KIFAP3: variants seen among roughly 807,000 people sequenced by gnomAD.
KIFAP3 encodes the protein kinesin-associated protein 3.
KIFAP3 carries 68 observed loss-of-function variants against 106.5 expected under a neutral mutation model. That is an observed-to-expected ratio of 0.64 (90% CI 0.53 to 0.78). KIFAP3 has a LOEUF of 0.78. KIFAP3 is among the 30% of genes least tolerant of loss of function. The pLI, the probability that KIFAP3 is intolerant of heterozygous loss-of-function variation, is 0.00. For missense variants in KIFAP3, 780 were observed against 941.8 expected (o/e 0.83, Z 2.25); for synonymous variants, 320 against 311.5 (o/e 1.03, Z -0.29).
At chr1:169,930,715 A>C in intron 19 of KIFAP3, among the ~76,000 whole-genome samples, 1 of 152,158 alleles carries the variant, frequency 6.6e-6, no homozygotes, top group Non-Finnish European at 1.5e-5. Flanking sequence ...CCTTTACCAA[A>C]TAACTCGTAC....
chr1:170,025,804 CA>C lies in KIFAP3; in HGVS notation c.842-1209del, dbSNP rs1397366842. On this transcript the variant is annotated intron_variant, in intron 8 of 19. Transcript: ENST00000361580. Reference sequence around the variant, plus strand: ...GCTGACTTTCTATGCAAGGCACTGTCAAAAGGTTTTAGAATTACATTGAAAA... The same window carrying C: ...GCTGACTTTCTATGCAAGGCACTGTCAAAGGTTTTAGAATTACATTGAAAA... Among the ~76,000 whole-genome samples the C allele has an allele frequency of 3.9e-5, 6 of 152,258 alleles. No homozygotes were observed. In the East Asian group the frequency reaches 1.2e-3, roughly 29 times the overall value.
intron 19 of KIFAP3, among the ~76,000 whole-genome samples, chr1:169,950,703 T>C (rs956330258): frequency 1.4e-4 from 22 of 152,048 alleles, no homozygotes; most frequent in African/African-American, 5.1e-4. Context: ...TTTAATTAAC[T>C]TGCATTTCTT....
chr1:170,059,582 G>C (rs1458719811), intron 1 of KIFAP3, among the ~76,000 whole-genome samples: 1 of 152,114 alleles, frequency 6.6e-6, no homozygotes, highest in Non-Finnish European at 1.5e-5. Flanking sequence ...AATTCTACCA[G>C]AGGTACAAGG....
At chr1:169,957,076 ATATCT>A (rs1665054236) in intron 18 of KIFAP3, among the ~76,000 whole-genome samples, 1 of 152,200 alleles carries the variant, frequency 6.6e-6, no homozygotes, top group South Asian at 2.1e-4. Context: ...TTCTTTGGAA[ATATCT>A]TATTTTTTCT....
rs897008275 is a variant in KIFAP3, at chr1:170,004,310, G to C, written c.1184-12055C>G. Among the ~76,000 whole-genome samples the C allele has an allele frequency of 4.1e-3, 622 of 152,064 alleles. 4 individuals are homozygous for C. The highest frequency in any genetic ancestry group is 9.9e-3 in the African/African-American group (410 of 41,482). On this transcript the variant is annotated intron_variant, in intron 10 of 19. Coordinates refer to ENST00000361580, the MANE Select transcript of KIFAP3 (RefSeq NM_014970.4). ...GGTAATTTATAGATTCAATGCCATC[G>C]CCATCAAGCTACCAATGACTTTCTT...
chr1:169,953,512 C>A (rs1411901433), intron 19 of KIFAP3, among the ~76,000 whole-genome samples: 1 of 152,050 alleles, frequency 6.6e-6, no homozygotes. Context: ...TGTTTTAGAT[C>A]TGTGATCCCC....
At chr1:169,923,661 T>C (rs1009112393) in intron 19 of KIFAP3, among the ~76,000 whole-genome samples, 1 of 152,156 alleles carries the variant, frequency 6.6e-6, no homozygotes, top group Non-Finnish European at 1.5e-5. Context: ...ATTTCAGTAA[T>C]ATGAAAACAA....
At chr1:169,971,644 T>A (rs1422096247) in intron 17 of KIFAP3, among the ~76,000 whole-genome samples, 1 of 151,984 alleles carries the variant, frequency 6.6e-6, no homozygotes, top group Non-Finnish European at 1.5e-5. Context: ...CCTGATTACA[T>A]CACTAGCAGA....
chr1:170,026,899 C>T (rs1669138084), intron 8 of KIFAP3, among the ~76,000 whole-genome samples: 1 of 152,030 alleles, frequency 6.6e-6, no homozygotes, highest in South Asian at 2.1e-4. Flanking sequence ...AGATTAAGAT[C>T]CAAAAGGATC....
intron 19 of KIFAP3, among the ~76,000 whole-genome samples, chr1:169,934,689 T>C (rs1285266266): frequency 1.3e-5 from 2 of 152,138 alleles, no homozygotes; most frequent in Non-Finnish European, 2.9e-5. Context: ...TGGGCAACTA[T>C]GAGAATTCTT....
chr1:170,023,054 C>A (rs1320202303), intron 9 of KIFAP3, among the ~76,000 whole-genome samples: 2 of 152,158 alleles, frequency 1.3e-5, no homozygotes, highest in African/African-American at 4.8e-5. Flanking sequence ...CATACTCTAA[C>A]TACTCAGGAC....
In KIFAP3 at chr1:169,968,959, A is replaced by G. The variant is rs912319336; in HGVS notation, c.1983+3554T>C. 2.0e-5 allele frequency among the ~76,000 whole-genome samples: 3 copies of G among 151,976 alleles called. No individual in the cohort carries two copies. The Admixed American group carries it at 2.0e-4, about 10-fold the overall frequency. On this transcript the variant is annotated intron_variant, in intron 17 of 19. Coordinates refer to ENST00000361580, the MANE Select transcript of KIFAP3 (RefSeq NM_014970.4). The stretch of plus-strand genomic sequence containing the variant: ...AAATGTCCGCCTTTTGGTTTACGCA[A>G]TATAAAGATGAACTATAAAAGAGGG...
intron 10 of KIFAP3, among the ~76,000 whole-genome samples, chr1:170,014,396 T>C (rs1668403291): frequency 6.6e-6 from 1 of 152,236 alleles, no homozygotes. Flanking sequence ...TTGTTCCTCC[T>C]ACTGGCCTAG....
At chr1:170,044,740 C>T (rs1304992331) in intron 3 of KIFAP3, among the ~76,000 whole-genome samples, 1 of 152,142 alleles carries the variant, frequency 6.6e-6, no homozygotes, top group East Asian at 1.9e-4. Context: ...GACTCTGAAA[C>T]TGTGTGAGAA....
chr1:170,057,683 A>C (rs991189624), intron 1 of KIFAP3, among the ~76,000 whole-genome samples: 5 of 151,952 alleles, frequency 3.3e-5, no homozygotes, highest in African/African-American at 1.2e-4. Context: ...TTTCAAGCTG[A>C]GTAGCATTCA....
chr1:170,019,235 T>A (rs941687895), intron 9 of KIFAP3, among the ~76,000 whole-genome samples: 37 of 152,116 alleles, frequency 2.4e-4, no homozygotes, highest in Admixed American at 2.0e-4. Context: ...TTTTTACTGG[T>A]GAATTCTATT....
chr1:170,041,693 T>C (rs891980687), intron 3 of KIFAP3: 16 of 1,535,044 alleles, frequency 1.0e-5, no homozygotes, highest in East Asian at 2.4e-5. Flanking sequence ...ATAAGCTTGC[T>C]TGGAGTACAG....
At chr1:169,951,654 A>G (rs746600018) in intron 19 of KIFAP3, among the ~76,000 whole-genome samples, 7 of 151,896 alleles carry the variant, frequency 4.6e-5, no homozygotes, top group Admixed American at 1.3e-4. Context: ...TTTGAGCACT[A>G]GAAATTAGAG....
rs761485322 is a variant in KIFAP3, at chr1:169,981,992, G to A, written c.1778C>T (p.Ala593Val). Residue 593 changes from alanine to valine, a missense_variant, in exon 15 of 20, where the codon GCA becomes GTA. Ala to Val is a moderately conservative substitution (Grantham distance 64, BLOSUM62 0). This residue lies in a region of KIFAP3 where 78 missense variants were observed against 140.6 expected (regional missense o/e 0.55). Transcript: ENST00000361580. ...ALLAKSGIIP[A>V]LIELLNAQQE... The stretch of plus-strand genomic sequence containing the variant: ...TTTACCATTTAGCAATTCAATGAGT[G>A]CAGGGATTATGCCAGATTTGGCTAG... 18 of 1,612,930 alleles carry A rather than the reference G, an allele frequency of 1.1e-5. No individual in the cohort carries two copies. Among genetic ancestry groups the A allele is most frequent in the South Asian group, 8.8e-5 (8 of 91,058 alleles).
Sources: allele counts gnomAD v4.1 joint callset (sites outside exome capture counted in the v4.1 genomes callset), GRCh38; gene constraint gnomAD v4.1.1; regional missense constraint gnomAD v4.1.1; transcripts MANE v1.5; gene names NCBI Gene and HGNC (gene_info 2026-07-23, HGNC 2026-07-21).